The following SLC9A9 variants were observed in gnomAD, a reference collection of about 807,000 sequenced individuals.
SLC9A9 encodes the protein sodium/hydrogen exchanger 9.
Under a neutral mutation model 77.8 loss-of-function variants are expected in SLC9A9, and 62 were observed. The observed-to-expected ratio is 0.80, with a 90% CI of 0.65 to 0.98. The LOEUF is 0.98. Ranked by LOEUF, SLC9A9 falls within the 50% of genes least tolerant of loss-of-function variation. The probability of loss-of-function intolerance (pLI) is 0.00; values close to 1 mark genes in which losing one functional copy is unlikely to be tolerated. For synonymous variants in SLC9A9, 320 were observed against 283.5 expected (o/e 1.13, Z -1.29); for missense variants, 775 against 774.9 (o/e 1.00, Z 0.00).
chr3:143,758,123 C>G (rs1175209825), intron 4 of SLC9A9, among the ~76,000 whole-genome samples: 1 of 152,184 alleles, frequency 6.6e-6, no homozygotes, highest in Non-Finnish European at 1.5e-5. Context: ...GTCTTAATGA[C>G]TATCATTTAT....
chr3:143,423,588 G>A (rs989732532), intron 12 of SLC9A9, among the ~76,000 whole-genome samples: 1 of 152,072 alleles, frequency 6.6e-6, no homozygotes, highest in African/African-American at 2.4e-5. Flanking sequence ...AATAAATAAT[G>A]GTAGTTACAA....
chr3:143,790,972 T>C (rs2008199933), intron 4 of SLC9A9, among the ~76,000 whole-genome samples: 1 of 152,214 alleles, frequency 6.6e-6, no homozygotes, highest in Non-Finnish European at 1.5e-5. Context: ...GAACAAAATG[T>C]ATGTGCTGAC....
At chr3:143,734,711 C>A (rs1934895588) in intron 4 of SLC9A9, among the ~76,000 whole-genome samples, 1 of 124,520 alleles carries the variant, frequency 8.0e-6, no homozygotes, top group Non-Finnish European at 1.6e-5. Context: ...TCCAGCCTGG[C>A]AACAGAGCAA....
At chr3:143,322,778 G>A (rs933542688) in intron 14 of SLC9A9, among the ~76,000 whole-genome samples, 1 of 152,108 alleles carries the variant, frequency 6.6e-6, no homozygotes, top group African/African-American at 2.4e-5. Context: ...ACCAGACTAG[G>A]GAGTCTGACA....
Position 143,824,206 on chromosome 3 carries a change from C to G in SLC9A9, c.378+7813G>C, listed in dbSNP as rs150182041. ...CTCTCTTCTTCTCTGCCCTTCTCTA[C>G]TTTAAAAAATATTTTTTTCTAAAAC... On this transcript the variant is annotated intron_variant, in intron 2 of 15. Coordinates refer to ENST00000316549, the MANE Select transcript of SLC9A9 (RefSeq NM_173653.4). 1.3e-3 allele frequency among the ~76,000 whole-genome samples: 203 copies of G among 151,840 alleles called. 11 individuals carry two copies. In the East Asian group the frequency reaches 0.034, roughly 25 times the overall value.
chr3:143,611,182 A>G (rs995439389), intron 6 of SLC9A9, among the ~76,000 whole-genome samples: 6 of 152,226 alleles, frequency 3.9e-5, no homozygotes, highest in Non-Finnish European at 8.8e-5. Flanking sequence ...ATTGGAACAT[A>G]AAGTTGGGGA....
chr3:143,772,071 AGGGG>A lies in SLC9A9; in HGVS notation c.533+22926_533+22929del, dbSNP rs903269381. ...GTGTGTGTGTGTATTGGACAATGGGAGGGGGGTGAGCAGAATGCTTCCCACTGCC... is the reference window on the plus strand; with the variant it reads ...GTGTGTGTGTGTATTGGACAATGGGAGGTGAGCAGAATGCTTCCCACTGCC... On this transcript the variant is annotated intron_variant, in intron 4 of 15. Coordinates refer to ENST00000316549, the MANE Select transcript of SLC9A9 (RefSeq NM_173653.4). 2.1e-5 allele frequency among the ~76,000 whole-genome samples: 3 copies of A among 143,296 alleles called. No individual in the cohort carries two copies. In the East Asian group the frequency reaches 6.1e-4, roughly 29 times the overall value. The allele number at this position is 143,296 out of a possible 152,430, so 94.0% of individuals were successfully genotyped here. A position where few individuals can be genotyped will look rare whatever the true frequency, so the allele number is the denominator to read the frequency against.
At chr3:143,705,017 ATCTATCTATCTATCTATCTATC>A (rs1479776407) in intron 4 of SLC9A9, among the ~76,000 whole-genome samples, 1 of 32,178 alleles carries the variant, frequency 3.1e-5, no homozygotes, top group African/African-American at 1.0e-4. Flanking sequence ...CTATCTATCT[ATCTATCTATCTATCTATCTATC>A]TATATAGATA....
intron 4 of SLC9A9, among the ~76,000 whole-genome samples, chr3:143,766,557 A>G (rs1456672215): frequency 2.0e-5 from 3 of 151,842 alleles, no homozygotes; most frequent in African/African-American, 7.3e-5. Context: ...CTGTAGGTGG[A>G]GGGTAGGCTG....
At chr3:143,333,168 T>C (rs894069432) in intron 14 of SLC9A9, among the ~76,000 whole-genome samples, 5 of 152,116 alleles carry the variant, frequency 3.3e-5, no homozygotes, top group Admixed American at 2.6e-4. Flanking sequence ...CATTGCACAA[T>C]TGTCCTGCCT....
intron 10 of SLC9A9, among the ~76,000 whole-genome samples, chr3:143,495,090 T>A (rs2035810196): frequency 6.6e-6 from 1 of 152,240 alleles, no homozygotes; most frequent in South Asian, 2.1e-4. Flanking sequence ...TAGATTTTCC[T>A]TTAATTTCCC....
intron 8 of SLC9A9, among the ~76,000 whole-genome samples, chr3:143,560,147 C>T (rs1348644704): frequency 6.6e-6 from 1 of 152,198 alleles, no homozygotes; most frequent in Non-Finnish European, 1.5e-5. Flanking sequence ...CACCAAATCA[C>T]CTGGGGATTT....
chr3:143,542,730 T>A (rs909754432), intron 9 of SLC9A9, among the ~76,000 whole-genome samples: 4 of 152,130 alleles, frequency 2.6e-5, no homozygotes, highest in African/African-American at 9.7e-5. Context: ...ATATATTCTC[T>A]TCTCTATTTT....
intron 9 of SLC9A9, among the ~76,000 whole-genome samples, chr3:143,496,164 C>T (rs1348887665): frequency 1.3e-5 from 2 of 152,148 alleles, no homozygotes; most frequent in Non-Finnish European, 2.9e-5. Context: ...AGAGTAATAA[C>T]ATGCTATGAT....
intron 4 of SLC9A9, among the ~76,000 whole-genome samples, chr3:143,709,119 A>G (rs1048091322): frequency 3.9e-5 from 6 of 152,172 alleles, no homozygotes; most frequent in Non-Finnish European, 7.4e-5. Context: ...CGTGGGCGGC[A>G]AAAGTTGGGT....
intron 12 of SLC9A9, among the ~76,000 whole-genome samples, chr3:143,446,226 AG>A (rs1009997208): frequency 1.3e-5 from 2 of 151,992 alleles, no homozygotes; most frequent in East Asian, 1.9e-4. Flanking sequence ...GGCAAGTAGA[AG>A]GGGGGGCCCT....
At chr3:143,683,437 A>T (rs2121770) in intron 5 of SLC9A9, among the ~76,000 whole-genome samples, 66,139 of 151,694 alleles carry the variant, frequency 0.44, 14,828 homozygotes, top group Non-Finnish European at 0.5. Flanking sequence ...TAGCATTTTT[A>T]AAAAAGGTAG....
intron 14 of SLC9A9, among the ~76,000 whole-genome samples, chr3:143,331,825 G>T (rs375971441): frequency 6.6e-6 from 1 of 152,178 alleles, no homozygotes; most frequent in African/African-American, 2.4e-5. Context: ...ACCATATGGT[G>T]TGACAAAATC....
At chr3:143,766,709 A>G (rs1049065766) in intron 4 of SLC9A9, among the ~76,000 whole-genome samples, 2 of 152,132 alleles carry the variant, frequency 1.3e-5, no homozygotes, top group Admixed American at 1.3e-4. Context: ...AGTTGGAACT[A>G]CAGGTGCCAC....
Sources: gnomAD v4.1 joint callset for allele counts (sites outside exome capture counted in the v4.1 genomes callset) on GRCh38, gnomAD v4.1.1 for gene constraint, MANE v1.5 for transcripts, NCBI Gene and HGNC (gene_info 2026-07-23, HGNC 2026-07-21) for gene names.